Variants in PKD2 observed in about 807,000 individuals in gnomAD.
The protein encoded by PKD2 is polycystin-2.
A neutral mutation model predicts 105.9 loss-of-function variants in PKD2; 48 were observed. The observed-to-expected ratio is 0.45, with a 90% CI of 0.36 to 0.58. PKD2 has a LOEUF of 0.58. Ranked by LOEUF, PKD2 falls within the 20% of genes least tolerant of loss-of-function variation. The pLI is 0.00. For synonymous variants in PKD2, 464 were observed against 481.1 expected (o/e 0.96, Z 0.46); for missense variants, 1,078 against 1,255.3 (o/e 0.86, Z 2.13).
chr4:88,019,702 A>G, intron 2 of PKD2, 131 bp downstream of exon 2: 1 of 684,932 alleles, frequency 1.5e-6, no homozygotes, highest in South Asian at 1.6e-5. Flanking sequence ...TTTGTTTTTA[A>G]TTCTAATATT....
intron 1 of PKD2, among the ~76,000 whole-genome samples, chr4:88,011,913 A>AGGGGG (rs1726397776): frequency 3.6e-5 from 4 of 112,558 alleles, no homozygotes; most frequent in African/African-American, 1.1e-4. Context: ...GGGGAGGGGC[A>AGGGGG]GTTTTGCCCC....
rs773867802 is a variant in PKD2, at chr4:88,076,003, C to G, written c.*309C>G. The G allele has an allele frequency of 6.3e-6, 2 of 318,060 alleles. No individual in the cohort carries two copies. The highest frequency in any genetic ancestry group is 5.9e-6 in the Non-Finnish European group (1 of 169,154). 19.7% of individuals were successfully genotyped at this position (318,060 alleles called of 1,614,324 possible). A position where few individuals can be genotyped will look rare whatever the true frequency, so the allele number is the denominator to read the frequency against. On this transcript the variant is annotated 3_prime_UTR_variant, in exon 15 of 15. Coordinates refer to ENST00000237596, the MANE Select transcript of PKD2 (RefSeq NM_000297.4). Reference sequence around the variant, plus strand: ...GTCTTCTCAGTTGACAATGAAGTAGCCTTTTAAAGCTAGAAAACTGTCAAA... The same window carrying G: ...GTCTTCTCAGTTGACAATGAAGTAGGCTTTTAAAGCTAGAAAACTGTCAAA...
At chr4:88,070,599 TATAGAG>T (rs1450784738) in intron 13 of PKD2, among the ~76,000 whole-genome samples, 19 of 98,268 alleles carry the variant, frequency 1.9e-4, no homozygotes, top group African/African-American at 4.2e-4. Context: ...TATATATATA[TATAGAG>T]AGAGAGAGAG....
Position 88,075,732 on chromosome 4 carries a change from G to T in PKD2, c.*38G>T. ...AGTATGTGTGTTTCTAATAAGTGAG[G>T]AAGTGGCTGTCCTGAATTGCTGTAA... On this transcript the variant is annotated 3_prime_UTR_variant, in exon 15 of 15. Coordinates refer to ENST00000237596, the MANE Select transcript of PKD2 (RefSeq NM_000297.4). 2 of 1,448,126 alleles carry T rather than the reference G, an allele frequency of 1.4e-6. No individual in the cohort carries two copies. Among genetic ancestry groups the T allele is most frequent in the Non-Finnish European group, 9.7e-7 (1 of 1,034,056 alleles). 89.7% of individuals were successfully genotyped at this position (1,448,126 alleles called of 1,614,324 possible).
At chr4:88,073,083 G>C (rs1172323931) in intron 13 of PKD2, among the ~76,000 whole-genome samples, 1 of 150,508 alleles carries the variant, frequency 6.6e-6, no homozygotes, top group Non-Finnish European at 1.5e-5. Flanking sequence ...GGGCATGGTG[G>C]CTCATGCCTG....
intron 13 of PKD2, among the ~76,000 whole-genome samples, chr4:88,073,638 C>G (rs1395698018): frequency 1.3e-5 from 2 of 152,088 alleles, no homozygotes; most frequent in Non-Finnish European, 2.9e-5. Flanking sequence ...GCCCTGTGCT[C>G]TTAGCTGCAC....
intron 1 of PKD2, among the ~76,000 whole-genome samples, chr4:88,012,422 T>C (rs1284783081): frequency 6.6e-6 from 1 of 151,344 alleles, no homozygotes; most frequent in Non-Finnish European, 1.5e-5. Context: ...AGCAATTGTC[T>C]GCATCTCTTC....
At chr4:88,018,633 G>A (rs1726642145) in intron 1 of PKD2, among the ~76,000 whole-genome samples, 1 of 152,208 alleles carries the variant, frequency 6.6e-6, no homozygotes, top group African/African-American at 2.4e-5. Flanking sequence ...TGGCCACCAT[G>A]TCTGCTGCTG....
At chr4:88,030,137 C>CA (rs1330237218) in intron 2 of PKD2, among the ~76,000 whole-genome samples, 2 of 152,122 alleles carry the variant, frequency 1.3e-5, no homozygotes. Context: ...TAATACAAGT[C>CA]AGTCTTCCAT....
chr4:88,027,422 T>G (rs1726996482), intron 2 of PKD2, among the ~76,000 whole-genome samples: 1 of 152,172 alleles, frequency 6.6e-6, no homozygotes, highest in African/African-American at 2.4e-5. Context: ...TTCTCCTATT[T>G]GGAATGGGAA....
intron 4 of PKD2, among the ~76,000 whole-genome samples, chr4:88,039,816 A>G (rs148210692): frequency 6.6e-6 from 1 of 152,072 alleles, no homozygotes; most frequent in East Asian, 1.9e-4. Context: ...GATGTTGCCC[A>G]GGCTGGCCTC....
At position 88,036,232 on chromosome 4, in the gene PKD2, T is replaced by C; in HGVS notation, c.722T>C (p.Met241Thr). 1 of 1,613,828 alleles carries C rather than the reference T, an allele frequency of 6.2e-7. No homozygotes were observed. Among genetic ancestry groups the C allele is most frequent in the Non-Finnish European group, 8.5e-7 (1 of 1,179,752 alleles). The change falls in exon 3 of 15, where the codon ATG becomes ACG. Residue 241 changes from methionine to threonine, a missense_variant. This residue lies in a region of PKD2 where 868 missense variants were observed against 1,067.3 expected (regional missense o/e 0.81). Coordinates refer to ENST00000237596, the MANE Select transcript of PKD2 (RefSeq NM_000297.4). ...LIVLCILTYG[M>T]MSSNVYYYTR... ...TTCTGTGTTCCAGTGACCTACGGCA[T>C]GATGAGCTCCAATGTGTACTACTAC...
intron 13 of PKD2, among the ~76,000 whole-genome samples, chr4:88,070,575 T>A (rs200637118): frequency 1.4e-4 from 12 of 83,390 alleles, no homozygotes; most frequent in African/African-American, 7.1e-4. Context: ...TTATTTATTT[T>A]ATATATATAT....
chr4:88,034,668 C>CAAAAA (rs61534136), intron 2 of PKD2, among the ~76,000 whole-genome samples: 1 of 71,880 alleles, frequency 1.4e-5, no homozygotes, highest in African/African-American at 5.7e-5. Flanking sequence ...AACTCCGTCT[C>CAAAAA]AAAAAAAAAA....
chr4:88,039,925 T>A (rs1350006687), intron 4 of PKD2, among the ~76,000 whole-genome samples: 2 of 152,146 alleles, frequency 1.3e-5, no homozygotes, highest in Non-Finnish European at 2.9e-5. Context: ...CTTTCTAATG[T>A]GCCTTTTTGT....
chr4:88,009,600 G>A (rs1327128586), intron 1 of PKD2, among the ~76,000 whole-genome samples: 2 of 152,116 alleles, frequency 1.3e-5, no homozygotes, highest in East Asian at 1.9e-4. Context: ...TGTTATTAGC[G>A]CTTCAGAAAT....
At chr4:88,038,755 A>AT (rs1253645216) in intron 4 of PKD2, among the ~76,000 whole-genome samples, 1 of 152,146 alleles carries the variant, frequency 6.6e-6, no homozygotes. Context: ...CCCCTCAAAA[A>AT]TTAATTATCT....
intron 6 of PKD2, among the ~76,000 whole-genome samples, chr4:88,048,694 C>G (rs1325166786): frequency 6.6e-6 from 1 of 152,126 alleles, no homozygotes; most frequent in African/African-American, 2.4e-5. Context: ...CCCCATCAGA[C>G]CGTGATGCAG....
At position 88,075,532 on chromosome 4, in the gene PKD2, C is replaced by G; in HGVS notation, c.2745C>G (p.Arg915=). The G allele has an allele frequency of 1.2e-6, 2 of 1,614,134 alleles. No individual in the cohort carries two copies. Among genetic ancestry groups the G allele is most frequent in the Non-Finnish European group, 1.7e-6 (2 of 1,180,002 alleles). Reference sequence around the variant, plus strand: ...GGCTAGTACGTGAAGAGTTGGAACGCTGGGAATCCGATGATGCAGCTTCCC... The same window carrying G: ...GGCTAGTACGTGAAGAGTTGGAACGGTGGGAATCCGATGATGCAGCTTCCC... ...MERLVREELE[R]WESDDAASQI... Residue 915 remains arginine (R), a synonymous_variant, in exon 15 of 15, where the codon CGC becomes CGG. Coordinates refer to ENST00000237596, the MANE Select transcript of PKD2 (RefSeq NM_000297.4).
Sources: allele counts gnomAD v4.1 joint callset (sites outside exome capture counted in the v4.1 genomes callset), GRCh38; gene constraint gnomAD v4.1.1; regional missense constraint gnomAD v4.1.1; transcripts MANE v1.5; gene names NCBI Gene and HGNC (gene_info 2026-07-23, HGNC 2026-07-21).